FARS2: variants seen among roughly 807,000 people sequenced by gnomAD.
FARS2 encodes phenylalanyl-tRNA synthetase 2, mitochondrial.
Under a neutral mutation model 46.4 loss-of-function variants are expected in FARS2, and 40 were observed. The ratio of observed to expected loss-of-function variants is 0.86; its 90% CI spans 0.67 to 1.12. FARS2 has a LOEUF of 1.12. Ranked by LOEUF, FARS2 falls within the 50% of genes most tolerant of loss-of-function variation. The probability of loss-of-function intolerance (pLI) is 0.00; values close to 1 mark genes in which losing one functional copy is unlikely to be tolerated. For missense variants in FARS2, 513 were observed against 567.9 expected (o/e 0.90, Z 0.98); for synonymous variants, 234 against 214.9 (o/e 1.09, Z -0.78).
intron 2 of FARS2, among the ~76,000 whole-genome samples, chr6:5,369,491 A>G (rs536418104): frequency 1.3e-5 from 2 of 152,306 alleles, no homozygotes; most frequent in South Asian, 2.1e-4. Context: ...CTGTGGCTCA[A>G]ATTCACCTTT....
intron 6 of FARS2, among the ~76,000 whole-genome samples, chr6:5,688,837 T>C (rs897685326): frequency 7.2e-5 from 11 of 151,972 alleles, no homozygotes; most frequent in African/African-American, 2.2e-4. Context: ...GTCCTGGACT[T>C]TTTTTGGTTG....
At chr6:5,394,636 C>T (rs867397144) in intron 2 of FARS2, among the ~76,000 whole-genome samples, 2 of 151,986 alleles carry the variant, frequency 1.3e-5, no homozygotes, top group African/African-American at 2.4e-5. Context: ...TAGAAAATGT[C>T]GAACTGGGTG....
intron 6 of FARS2, among the ~76,000 whole-genome samples, chr6:5,635,284 C>G (rs577050083): frequency 5.9e-5 from 9 of 152,318 alleles, no homozygotes; most frequent in Admixed American, 1.3e-4. Context: ...AGCCAAGTTT[C>G]TAATGAGCAA....
At chr6:5,385,826 A>T (rs192114149) in intron 2 of FARS2, among the ~76,000 whole-genome samples, 116 of 152,222 alleles carry the variant, frequency 7.6e-4, no homozygotes, top group Middle Eastern at 6.8e-3. Flanking sequence ...CCTGCCAAGT[A>T]TGTGAGGCTG....
chr6:5,570,254 A>G (rs1048393295), intron 5 of FARS2, among the ~76,000 whole-genome samples: 2 of 152,262 alleles, frequency 1.3e-5, no homozygotes, highest in Non-Finnish European at 2.9e-5. Flanking sequence ...TAGTTGGAAC[A>G]TCTTCCTAAG....
At chr6:5,418,550 C>G (rs959719761) in intron 3 of FARS2, among the ~76,000 whole-genome samples, 1 of 152,228 alleles carries the variant, frequency 6.6e-6, no homozygotes, top group Non-Finnish European at 1.5e-5. Context: ...TGAGCTCCAA[C>G]TTTATTCCCT....
chr6:5,517,956 T>C (rs560612742), intron 4 of FARS2, among the ~76,000 whole-genome samples: 30 of 152,020 alleles, frequency 2.0e-4, no homozygotes, highest in Non-Finnish European at 4.1e-4. Flanking sequence ...GTGGTAGGAG[T>C]TGACGGTTCA....
At position 5,471,102 on chromosome 6, in the gene FARS2, C is replaced by T. The variant is rs1334522731; in HGVS notation, c.904+39930C>T. Among the ~76,000 whole-genome samples the T allele has an allele frequency of 1.3e-5, 2 of 152,126 alleles. No individual in the cohort carries two copies. Among genetic ancestry groups the T allele is most frequent in the Admixed American group, 1.3e-4 (2 of 15,270 alleles). On this transcript the variant is annotated intron_variant, in intron 4 of 6. Coordinates refer to ENST00000274680, the MANE Select transcript of FARS2 (RefSeq NM_006567.5). The surrounding 1 kb of genome is among the most constrained non-coding windows in gnomAD (Gnocchi z 4.1). The stretch of plus-strand genomic sequence containing the variant: ...TTACATGTTAACAATAAGTGAACCC[C>T]ACTGAGGGGTTTCAGCCACTGAGAG...
intron 1 of FARS2, among the ~76,000 whole-genome samples, chr6:5,326,935 A>C (rs1231413462): frequency 6.6e-6 from 1 of 152,218 alleles, no homozygotes; most frequent in Non-Finnish European, 1.5e-5. Flanking sequence ...GCAGCTAACC[A>C]GTGTTGTAGC....
intron 4 of FARS2, among the ~76,000 whole-genome samples, chr6:5,482,245 A>G (rs1313713250): frequency 6.6e-6 from 1 of 152,156 alleles, no homozygotes; most frequent in African/African-American, 2.4e-5. Context: ...ATTTGATATC[A>G]GTACAATCCA....
intron 1 of FARS2, among the ~76,000 whole-genome samples, chr6:5,269,423 A>G (rs1164819406): frequency 1.3e-5 from 2 of 150,524 alleles, no homozygotes; most frequent in Non-Finnish European, 2.9e-5. Context: ...ACAAACCTGC[A>G]CCTTGTGCAC....
At chr6:5,708,431 G>A (rs1188486492) in intron 6 of FARS2, among the ~76,000 whole-genome samples, 3 of 152,150 alleles carry the variant, frequency 2.0e-5, no homozygotes, top group Non-Finnish European at 4.4e-5. Flanking sequence ...TTTGTCCTGT[G>A]GTCCCCTAGG....
chr6:5,282,386 T>G (rs563028266), intron 1 of FARS2, among the ~76,000 whole-genome samples: 45 of 152,118 alleles, frequency 3.0e-4, no homozygotes, highest in Non-Finnish European at 5.1e-4. Context: ...GAGGGAGCAT[T>G]CACATCCCAG....
At chr6:5,670,158 C>T (rs551428894) in intron 6 of FARS2, among the ~76,000 whole-genome samples, 8 of 152,220 alleles carry the variant, frequency 5.3e-5, no homozygotes, top group African/African-American at 1.9e-4. Context: ...CAAGCATAGG[C>T]GCTTATGCCC....
intron 1 of FARS2, among the ~76,000 whole-genome samples, chr6:5,355,368 C>CTTTTTTTTTTTTTTTTTTTTTTTTTTT (rs200590190): frequency 7.0e-6 from 1 of 142,444 alleles, no homozygotes; most frequent in Non-Finnish European, 1.5e-5. Flanking sequence ...TTAGGTTTTC[C>CTTTTTTTTTTTTTTTTTTTTTTTTTTT]TTTTTGTTTT....
chr6:5,477,523 C>T (rs1401823805), intron 4 of FARS2, among the ~76,000 whole-genome samples: 1 of 152,174 alleles, frequency 6.6e-6, no homozygotes, highest in African/African-American at 2.4e-5. Context: ...GCGGCATCTC[C>T]AGGACATATA....
intron 1 of FARS2, among the ~76,000 whole-genome samples, chr6:5,330,237 T>C (rs1181444833): frequency 6.6e-6 from 1 of 152,184 alleles, no homozygotes; most frequent in Non-Finnish European, 1.5e-5. Context: ...TCAGCAAATA[T>C]ATATATATAG....
chr6:5,712,630 A>G (rs1449242963), intron 6 of FARS2, among the ~76,000 whole-genome samples: 2 of 152,264 alleles, frequency 1.3e-5, no homozygotes, highest in African/African-American at 4.8e-5. Context: ...AAAGCTGGAA[A>G]GCGGCAGAGC....
At chr6:5,316,319 G>A (rs1769515115) in intron 1 of FARS2, among the ~76,000 whole-genome samples, 1 of 152,200 alleles carries the variant, frequency 6.6e-6, no homozygotes, top group Non-Finnish European at 1.5e-5. Context: ...TGTTTTGGAA[G>A]TTGTGAACAT....
Sources: allele counts gnomAD v4.1 joint callset (sites outside exome capture counted in the v4.1 genomes callset), GRCh38; gene constraint gnomAD v4.1.1; non-coding constraint Gnocchi (gnomAD v3.1); transcripts MANE v1.5; gene names NCBI Gene and HGNC (gene_info 2026-07-23, HGNC 2026-07-21).